The following NR2F1 variants were observed in gnomAD, a reference collection of about 807,000 sequenced individuals.
NR2F1 encodes nuclear receptor subfamily 2 group F member 1.
Under a neutral mutation model 37.7 loss-of-function variants are expected in NR2F1, and 1 was observed. The ratio of observed to expected loss-of-function variants is 0.03; its 90% CI spans 0.01 to 0.13. The LOEUF is 0.13. NR2F1 is among the 10% of genes least tolerant of loss of function. The pLI is 1.00. For missense variants in NR2F1, 268 were observed against 578.4 expected, an observed-to-expected ratio of 0.46 and a Z score of 5.50; for synonymous variants, 275 against 259.6, an observed-to-expected ratio of 1.06 and a Z score of -0.57.
intron 2 of NR2F1, among the ~76,000 whole-genome samples, chr5:93,591,262 G>T (rs1038416332): frequency 2.0e-5 from 3 of 152,202 alleles, no homozygotes; most frequent in Non-Finnish European, 1.5e-5. Flanking sequence ...CTTATCTGGG[G>T]TATAACTCAT....
intron 2 of NR2F1, among the ~76,000 whole-genome samples, chr5:93,590,738 G>A (rs1443491532): frequency 6.6e-6 from 1 of 152,194 alleles, no homozygotes; most frequent in Admixed American, 6.5e-5. Context: ...GACAGTTTTA[G>A]ACATATTGTC....
In NR2F1 at chr5:93,588,329, C is replaced by G; in HGVS notation, c.876C>G (p.Val292=). The G allele has an allele frequency of 6.2e-7, 1 of 1,613,284 alleles. No individual in the cohort carries two copies. Among genetic ancestry groups the G allele is most frequent in the Non-Finnish European group, 8.5e-7 (1 of 1,179,862 alleles). Residue 292 remains valine (V), a synonymous_variant, in exon 2 of 3, where the codon GTC becomes GTG. Transcript: ENST00000327111. ...LHASPMSADR[V]VAFMDHIRIF... ...CCTCGCCCATGTCTGCCGACCGCGTCGTGGCCTTCATGGACCACATCCGCA... is the reference window on the plus strand; with the variant it reads ...CCTCGCCCATGTCTGCCGACCGCGTGGTGGCCTTCATGGACCACATCCGCA...
Position 93,584,155 on chromosome 5 carries a change from G to C in NR2F1, c.-869G>C, listed in dbSNP as rs1274273469. 6.7e-6 allele frequency: 1 copy of C among 149,396 alleles called. No homozygotes were observed. The highest frequency in any genetic ancestry group is 1.5e-5 in the Non-Finnish European group (1 of 67,136). 9.3% of individuals were successfully genotyped at this position (149,396 alleles called of 1,614,324 possible). ...CCCGAGCCCGGCGAGGGCTCCCGCC[G>C]GGACAGCGGCGGCGCCGCGGGCGGC... is the stretch of plus-strand genomic sequence containing the variant. On this transcript the variant is annotated 5_prime_UTR_variant, in exon 1 of 3. Coordinates refer to ENST00000327111, the MANE Select transcript of NR2F1 (RefSeq NM_005654.6).
rs182372690 is a variant in NR2F1 at position 93,592,399 on chromosome 5, A to G, written c.992-1163A>G. On this transcript the variant is annotated intron_variant, in intron 2 of 2. Coordinates refer to ENST00000327111, the MANE Select transcript of NR2F1 (RefSeq NM_005654.6). ...TTTTTTAATATTTATTATTAATATA[A>G]GAAACAAGTGGGTATTTGAACTAGG... Among the ~76,000 whole-genome samples, 356 of 152,212 alleles carry G rather than the reference A, an allele frequency of 2.3e-3. 1 individual carries two copies. The highest frequency in any genetic ancestry group is 8.2e-3 in the African/African-American group (342 of 41,522).
At chr5:93,585,585 C>A in intron 1 of NR2F1, 99 bp downstream of exon 1, 4 of 952,788 alleles carry the variant, frequency 4.2e-6, no homozygotes, top group Non-Finnish European at 6.4e-6. Context: ...GGCTGGGGCT[C>A]CTGTGGTCCC....
chr5:93,587,801 G>T, intron 1 of NR2F1, 116 bp from the exon 2 acceptor site: 1 of 1,111,682 alleles, frequency 9.0e-7, no homozygotes, highest in Non-Finnish European at 1.3e-6. Context: ...GAAGATGCGC[G>T]GGGCGCGTGT....
intron 2 of NR2F1, among the ~76,000 whole-genome samples, chr5:93,591,197 T>C (rs1456079842): frequency 6.6e-6 from 1 of 152,238 alleles, no homozygotes; most frequent in Non-Finnish European, 1.5e-5. Flanking sequence ...AGTTCCCACA[T>C]TGACACTACC....
rs1267794565 is a variant in NR2F1, at chr5:93,583,767, A to T, written c.-1257A>T. The T allele has an allele frequency of 6.6e-6, 1 of 152,132 alleles. No individual in the cohort carries two copies. Among genetic ancestry groups the T allele is most frequent in the Non-Finnish European group, 1.5e-5 (1 of 68,024 alleles). The allele number at this position is 152,132 out of a possible 1,614,324, so 9.4% of individuals were successfully genotyped here. On this transcript the variant is annotated 5_prime_UTR_variant, in exon 1 of 3. Coordinates refer to ENST00000327111, the MANE Select transcript of NR2F1 (RefSeq NM_005654.6). ...AAAGAGGAAAAGAAGAGGATTATTTATTCGACCTACTTTGGATGTCTCTCT... is the reference window on the plus strand; with the variant it reads ...AAAGAGGAAAAGAAGAGGATTATTTTTTCGACCTACTTTGGATGTCTCTCT...
chr5:93,587,775 G>C, intron 1 of NR2F1, 142 bp from the exon 2 acceptor site: 1 of 844,218 alleles, frequency 1.2e-6, no homozygotes, highest in Non-Finnish European at 1.8e-6. Context: ...GGTGTGGACT[G>C]TGAGAGCGAG....
At chr5:93,586,469 A>T (rs1753236329) in intron 1 of NR2F1, among the ~76,000 whole-genome samples, 1 of 152,194 alleles carries the variant, frequency 6.6e-6, no homozygotes, top group Admixed American at 6.5e-5. Context: ...ATGTGGCAAG[A>T]GATGCAGTAC....
chr5:93,590,673 T>C (rs559254144), intron 2 of NR2F1, among the ~76,000 whole-genome samples: 2 of 152,368 alleles, frequency 1.3e-5, no homozygotes, highest in South Asian at 4.1e-4. Flanking sequence ...AGGGAATTCA[T>C]GGGAAGCCTT....
chr5:93,592,479 C>T (rs555453019), intron 2 of NR2F1, among the ~76,000 whole-genome samples: 1 of 151,860 alleles, frequency 6.6e-6, no homozygotes, highest in Non-Finnish European at 1.5e-5. Flanking sequence ...CTATGCTTGC[C>T]TCTAGTTAGT....
At chr5:93,588,581 C>G (rs1380854120) in intron 2 of NR2F1, 137 bp downstream of exon 2, 1 of 462,374 alleles carries the variant, frequency 2.2e-6, no homozygotes, top group African/African-American at 2.1e-5. Flanking sequence ...TGAGCCTGGC[C>G]CGGGTCTGTG....
At position 93,588,002 on chromosome 5, in the gene NR2F1, C is replaced by T. The variant is rs1479824500; in HGVS notation, c.549C>T (p.Cys183=). 1 of 1,613,912 alleles carries T rather than the reference C, an allele frequency of 6.2e-7. No individual in the cohort carries two copies. Among genetic ancestry groups the T allele is most frequent in the African/African-American group, 1.3e-5 (1 of 74,960 alleles). Residue 183 remains cysteine, a synonymous_variant, in exon 2 of 3, where the codon TGC becomes TGT. Transcript: ENST00000327111. ...LTNGDPLNGH[C]YLSGYISLLL... Reference sequence around the variant, plus strand: ...ACGGGGACCCCCTCAACGGCCACTGCTACCTGTCCGGCTACATCTCGCTGC... The same window carrying T: ...ACGGGGACCCCCTCAACGGCCACTGTTACCTGTCCGGCTACATCTCGCTGC...
chr5:93,586,425 C>CT (rs1293585703), intron 1 of NR2F1, among the ~76,000 whole-genome samples: 2 of 151,914 alleles, frequency 1.3e-5, no homozygotes, highest in African/African-American at 4.8e-5. Flanking sequence ...AAAAACACAA[C>CT]TTTTGATGTT....
chr5:93,587,812 G>A (rs1753258307), intron 1 of NR2F1, 105 bp from the exon 2 acceptor site: 2 of 1,233,400 alleles, frequency 1.6e-6, no homozygotes, highest in East Asian at 4.8e-5. Context: ...GGGCGCGTGT[G>A]GCTGCGGGAA....
In NR2F1 at chr5:93,594,187, T is replaced by A. The variant is rs1328609808; in HGVS notation, c.*345T>A. ...TAAAACAGAAGGAAACTAATGGACCTTCCAGGATTTATTGTGGACGGATGT... is the reference window on the plus strand; with the variant it reads ...TAAAACAGAAGGAAACTAATGGACCATCCAGGATTTATTGTGGACGGATGT... On this transcript the variant is annotated 3_prime_UTR_variant, in exon 3 of 3. Coordinates refer to ENST00000327111, the MANE Select transcript of NR2F1 (RefSeq NM_005654.6). 1 of 274,142 alleles carries A rather than the reference T, an allele frequency of 3.6e-6. No individual in the cohort carries two copies. The highest frequency in any genetic ancestry group is 6.9e-6 in the Non-Finnish European group (1 of 144,904). 17.0% of individuals were successfully genotyped at this position (274,142 alleles called of 1,614,324 possible). A position where few individuals can be genotyped will look rare whatever the true frequency, so the allele number is the denominator to read the frequency against.
Position 93,593,538 on chromosome 5 carries a change from T to C in NR2F1, c.992-24T>C. Reference sequence around the variant, plus strand: ...ACCGTGTGCTCCCTTTCCCTGTCTCTCCCTCCTGTGGCTGCTTGGGCAGAC... The same window carrying C: ...ACCGTGTGCTCCCTTTCCCTGTCTCCCCCTCCTGTGGCTGCTTGGGCAGAC... On this transcript the variant is annotated intron_variant, in intron 2 of 2. Transcript: ENST00000327111. The surrounding 1 kb of genome is among the most constrained non-coding windows in gnomAD (Gnocchi z 5.6). 9 of 1,603,794 alleles carry C rather than the reference T, an allele frequency of 5.6e-6. No homozygotes were observed. The highest frequency in any genetic ancestry group is 6.8e-6 in the Non-Finnish European group (8 of 1,172,158).
chr5:93,594,274 C>A lies in NR2F1; in HGVS notation c.*432C>A, dbSNP rs1199748888. On this transcript the variant is annotated 3_prime_UTR_variant, in exon 3 of 3. Transcript: ENST00000327111. ...GGACTGAAGCCTATGTAGAAACACA[C>A]ACACACTGAACATTGTTATTCATTT... The A allele has an allele frequency of 6.3e-6, 1 of 158,580 alleles. No homozygotes were observed. The highest frequency in any genetic ancestry group is 6.4e-5 in the Admixed American group (1 of 15,526). 9.8% of individuals were successfully genotyped at this position (158,580 alleles called of 1,614,324 possible).
Sources: allele counts gnomAD v4.1 joint callset (sites outside exome capture counted in the v4.1 genomes callset), GRCh38; gene constraint gnomAD v4.1.1; non-coding constraint Gnocchi (gnomAD v3.1); transcripts MANE v1.5; gene names NCBI Gene and HGNC (gene_info 2026-07-23, HGNC 2026-07-21).